The following NAXD variants were observed in gnomAD, a reference collection of about 807,000 sequenced individuals.
NAXD encodes ATP-dependent (S)-NAD(P)H-hydrate dehydratase.
Under a neutral mutation model 35.8 loss-of-function variants are expected in NAXD, and 22 were observed. The ratio of observed to expected loss-of-function variants is 0.62; its 90% CI spans 0.44 to 0.88. NAXD has a LOEUF of 0.88. NAXD is among the 40% of genes least tolerant of loss of function. The pLI is 0.00. For synonymous variants in NAXD, 189 were observed against 177.6 expected, an observed-to-expected ratio of 1.06 and a Z score of -0.51; for missense variants, 428 against 437.7, an observed-to-expected ratio of 0.98 and a Z score of 0.20.
chr13:110,623,022 G>A (rs78617721), intron 2 of NAXD, among the ~76,000 whole-genome samples: 5,039 of 152,176 alleles, frequency 0.033, 305 homozygotes, highest in African/African-American at 0.11. Flanking sequence ...TGACGCTGCC[G>A]AATTGTCCCC....
intron 5 of NAXD, among the ~76,000 whole-genome samples, chr13:110,627,751 C>CT (rs751918279): frequency 1.3e-5 from 2 of 152,224 alleles, no homozygotes; most frequent in Non-Finnish European, 2.9e-5. Flanking sequence ...CCGGGCCCGA[C>CT]TGTTTTCTCA....
intron 1 of NAXD, among the ~76,000 whole-genome samples, chr13:110,618,675 A>T (rs1886148263): frequency 6.6e-6 from 1 of 152,148 alleles, no homozygotes; most frequent in Non-Finnish European, 1.5e-5. Flanking sequence ...GAGCCCCCTG[A>T]TATCTTATCA....
intron 8 of NAXD, 51 bp downstream of exon 8, chr13:110,635,639 T>C: frequency 1.2e-6 from 2 of 1,601,526 alleles, no homozygotes; most frequent in African/African-American, 2.7e-5. Flanking sequence ...TCAGTCAGCA[T>C]GGCCACACCG....
intron 5 of NAXD, 34 bp downstream of exon 5, chr13:110,627,581 A>C: frequency 6.8e-7 from 1 of 1,461,842 alleles, no homozygotes; most frequent in Non-Finnish European, 9.6e-7. Flanking sequence ...CCCTCATGAC[A>C]GGCTTAGCCT....
chr13:110,638,108 G>A lies in NAXD; in HGVS notation c.840-270G>A. The A allele has an allele frequency of 1.1e-6, 1 of 898,122 alleles. No homozygotes were observed. The highest frequency in any genetic ancestry group is 1.7e-6 in the Non-Finnish European group (1 of 575,124). The allele number at this position is 898,122 out of a possible 1,614,324, so 55.6% of individuals were successfully genotyped here. ...GCTTGTGCCGCCTGGCTTTCCCCGG[G>A]AACACCTGGCCCACTGTGTGCCCTA... On this transcript the variant is annotated intron_variant, in intron 9 of 9. Transcript: ENST00000680254. The surrounding 1 kb of genome is among the most constrained non-coding windows in gnomAD (Gnocchi z 5.4).
rs574376288 is a variant in NAXD at position 110,615,607 on chromosome 13, C to T, written c.6C>T (p.Ala2=). 3 of 1,445,576 alleles carry T rather than the reference C, an allele frequency of 2.1e-6. No individual in the cohort carries two copies. The highest frequency in any genetic ancestry group is 2.9e-5 in the African/African-American group (2 of 67,798). 89.5% of individuals were successfully genotyped at this position (1,445,576 alleles called of 1,614,324 possible). Residue 2 remains alanine (A), a synonymous_variant, in exon 1 of 10, where the codon GCC becomes GCT. Coordinates refer to ENST00000680254, the MANE Select transcript of NAXD (RefSeq NM_001242882.2). The stretch of plus-strand genomic sequence containing the variant: ...GGAATCCGGAATGCTGCCCGATGGC[C>T]CTGGGTCCTCGCTGTGGGGCAATCC... The part of the protein sequence containing the change: M[A]LGPRCGAIRA...
chr13:110,632,923 G>C, intron 5 of NAXD, among the ~76,000 whole-genome samples: 1 of 152,060 alleles, frequency 6.6e-6, no homozygotes, highest in East Asian at 1.9e-4. Flanking sequence ...TAGATATAAA[G>C]ACTCTCCACA....
At chr13:110,625,781 T>C (rs1886452501) in intron 4 of NAXD, among the ~76,000 whole-genome samples, 1 of 152,218 alleles carries the variant, frequency 6.6e-6, no homozygotes, top group Admixed American at 6.5e-5. Context: ...ACTGAGGGCT[T>C]GAAATGTGGC....
chr13:110,633,210 C>T (rs1886785271), intron 5 of NAXD, among the ~76,000 whole-genome samples: 5 of 152,300 alleles, frequency 3.3e-5, no homozygotes, highest in African/African-American at 7.2e-5. Flanking sequence ...AGAAATTGAG[C>T]ACAGTGCCGG....
chr13:110,629,708 T>C lies in NAXD; in HGVS notation c.441+2161T>C, dbSNP rs181488243. ...GCATACACCACCTTTGGTTTATCTG[T>C]TGATTAATTTATGGAAAATTGGTTT... On this transcript the variant is annotated intron_variant, in intron 5 of 9. Coordinates refer to ENST00000680254, the MANE Select transcript of NAXD (RefSeq NM_001242882.2). 3.3e-5 allele frequency among the ~76,000 whole-genome samples: 5 copies of C among 152,380 alleles called. No individual in the cohort carries two copies. In the East Asian group the frequency reaches 9.6e-4, roughly 29 times the overall value.
intron 2 of NAXD, 22 bp downstream of exon 2, chr13:110,622,388 T>C: frequency 1.9e-6 from 3 of 1,608,740 alleles, no homozygotes; most frequent in Middle Eastern, 1.7e-4. Flanking sequence ...ATGTGCAGTG[T>C]TGGTGTTTAA....
At chr13:110,631,244 G>T (rs74520279) in intron 5 of NAXD, among the ~76,000 whole-genome samples, 3,027 of 152,242 alleles carry the variant, frequency 0.02, 34 homozygotes, top group South Asian at 0.053. Context: ...AGGATATGTG[G>T]ATACTCATTA....
At chr13:110,635,673 C>T (rs1594185189) in intron 8 of NAXD, 85 bp downstream of exon 8, 8 of 1,449,742 alleles carry the variant, frequency 5.5e-6, no homozygotes, top group African/African-American at 1.4e-5. Context: ...GAAGACCTCT[C>T]CCGTGCACAC....
chr13:110,637,317 A>G (rs1886964868), intron 9 of NAXD, 68 bp downstream of exon 9: 2 of 1,565,990 alleles, frequency 1.3e-6, no homozygotes, highest in South Asian at 1.1e-5. Flanking sequence ...TCAGTAGCTC[A>G]TGCGTTGAAT....
chr13:110,630,929 G>A (rs1040404255), intron 5 of NAXD, among the ~76,000 whole-genome samples: 7 of 152,158 alleles, frequency 4.6e-5, no homozygotes, highest in African/African-American at 1.7e-4. Context: ...CCTTGACGTC[G>A]AAAGCCCGAG....
chr13:110,632,188 C>T (rs1886719382), intron 5 of NAXD, among the ~76,000 whole-genome samples: 1 of 126,844 alleles, frequency 7.9e-6, no homozygotes, highest in South Asian at 2.4e-4. Flanking sequence ...AGTGAGGCTA[C>T]AGACCTTCGC....
At chr13:110,633,447 C>T (rs1262223571) in intron 5 of NAXD, among the ~76,000 whole-genome samples, 1 of 152,218 alleles carries the variant, frequency 6.6e-6, no homozygotes, top group East Asian at 1.9e-4. Context: ...GGAGTGGGCT[C>T]CAGCCTTGGC....
chr13:110,634,848 A>C (rs910814453), intron 7 of NAXD, 72 bp downstream of exon 7: 15 of 1,150,268 alleles, frequency 1.3e-5, no homozygotes, highest in South Asian at 1.3e-5. Flanking sequence ...GACGAGCTCC[A>C]TGCTTCTGCC....
intron 5 of NAXD, among the ~76,000 whole-genome samples, chr13:110,630,631 T>C (rs564810333): frequency 6.6e-6 from 1 of 152,324 alleles, no homozygotes; most frequent in Admixed American, 6.5e-5. Context: ...TACTCCTACA[T>C]GTTAAGAGCC....
Sources: gnomAD v4.1 joint callset for allele counts (sites outside exome capture counted in the v4.1 genomes callset) on GRCh38, gnomAD v4.1.1 for gene constraint, Gnocchi (gnomAD v3.1) non-coding constraint, MANE v1.5 for transcripts, NCBI Gene and HGNC (gene_info 2026-07-23, HGNC 2026-07-21) for gene names.